NRXN3: variants seen among roughly 807,000 people sequenced by gnomAD.
NRXN3 encodes the protein neurexin III.
A neutral mutation model predicts 137.6 loss-of-function variants in NRXN3; 32 were observed. That is an observed-to-expected ratio of 0.23 (90% CI 0.18 to 0.31). The LOEUF is 0.31. Among genes scored for constraint, NRXN3 ranks in the 10% least tolerant of loss-of-function variants. The pLI is 1.00. For missense variants in NRXN3, 1,574 were observed against 2,062.5 expected (o/e 0.76, Z 4.59); for synonymous variants, 798 against 784.5 (o/e 1.02, Z -0.29).
At chr14:79,099,012 A>G (rs759278215) in intron 15 of NRXN3, among the ~76,000 whole-genome samples, 17 of 152,174 alleles carry the variant, frequency 1.1e-4, no homozygotes, top group Non-Finnish European at 1.5e-4. Context: ...CATGATGACT[A>G]TAGCCTAATC....
At position 79,467,155 on chromosome 14, in the gene NRXN3, AGT is replaced by A; in HGVS notation, c.3263-62_3263-61del. ...CAGCTGTTCTGTGTAGGGTCTCAAC[AGT>A]GTGCTACAGCTGGCTGTATGCAATG... On this transcript the variant is annotated intron_variant, in intron 15 of 20. Coordinates refer to ENST00000335750, the MANE Select transcript of NRXN3 (RefSeq NM_001330195.2). 16 of 1,479,920 alleles carry A rather than the reference AGT, an allele frequency of 1.1e-5. No homozygotes were observed. The South Asian group carries it at 2.0e-4, about 19-fold the overall frequency. The allele number at this position is 1,479,920 out of a possible 1,614,324, so 91.7% of individuals were successfully genotyped here.
intron 15 of NRXN3, among the ~76,000 whole-genome samples, chr14:79,004,745 A>C (rs2099548808): frequency 6.6e-6 from 1 of 152,182 alleles, no homozygotes; most frequent in African/African-American, 2.4e-5. Context: ...ATCTCTTGGA[A>C]GTCTCCTTTA....
chr14:79,684,532 A>G (rs60328415), intron 17 of NRXN3, among the ~76,000 whole-genome samples: 3,386 of 152,248 alleles, frequency 0.022, 51 homozygotes, highest in African/African-American at 0.042. Flanking sequence ...TATAGGATGT[A>G]TACAGAAGGA....
intron 8 of NRXN3, among the ~76,000 whole-genome samples, chr14:78,770,032 AG>A (rs2098721731): frequency 6.6e-6 from 1 of 152,136 alleles, no homozygotes; most frequent in African/African-American, 2.4e-5. Flanking sequence ...AGATATATCT[AG>A]GTATGTGTGT....
chr14:79,409,246 C>T (rs1220947116), intron 15 of NRXN3, among the ~76,000 whole-genome samples: 1 of 151,802 alleles, frequency 6.6e-6, no homozygotes, highest in Non-Finnish European at 1.5e-5. Context: ...TATTCTGCTA[C>T]ATACATATGC....
intron 10 of NRXN3, among the ~76,000 whole-genome samples, chr14:78,872,786 A>G (rs1326572695): frequency 1.3e-5 from 2 of 151,828 alleles, no homozygotes; most frequent in African/African-American, 2.4e-5. Context: ...CGTTTTCTGC[A>G]TTTAGGTGGA....
At chr14:78,265,680 C>G (rs2071571680) in intron 2 of NRXN3, among the ~76,000 whole-genome samples, 1 of 152,158 alleles carries the variant, frequency 6.6e-6, no homozygotes, top group Non-Finnish European at 1.5e-5. Context: ...AGTACCCCAG[C>G]AGAGGCACAG....
intron 4 of NRXN3, among the ~76,000 whole-genome samples, chr14:78,609,705 T>G (rs1026422976): frequency 6.6e-6 from 1 of 152,198 alleles, no homozygotes; most frequent in Non-Finnish European, 1.5e-5. Context: ...GTTAAATACT[T>G]TTTGGCACCT....
At chr14:78,918,285 C>CAAAAAAAAAAAAAAAAAA (rs71454807) in intron 10 of NRXN3, among the ~76,000 whole-genome samples, 2 of 34,656 alleles carry the variant, frequency 5.8e-5, no homozygotes, top group African/African-American at 2.5e-4. Context: ...AACTCCATCT[C>CAAAAAAAAAAAAAAAAAA]AAAAAAAAAA....
At chr14:78,282,207 T>C (rs2074503975) in intron 3 of NRXN3, 4 of 475,840 alleles carry the variant, frequency 8.4e-6, no homozygotes, top group Non-Finnish European at 1.7e-5. Flanking sequence ...CCTGGGCTGC[T>C]TGTAGGGCAG....
At chr14:78,294,555 C>CAAAAAAAAAAAAAAAAAAA (rs199592742) in intron 3 of NRXN3, among the ~76,000 whole-genome samples, 1 of 106,462 alleles carries the variant, frequency 9.4e-6, no homozygotes. Flanking sequence ...GATTCCGTCT[C>CAAAAAAAAAAAAAAAAAAA]AAAAAAAAAA....
At chr14:79,222,614 T>C (rs2069987186) in intron 15 of NRXN3, among the ~76,000 whole-genome samples, 1 of 152,166 alleles carries the variant, frequency 6.6e-6, no homozygotes, top group Non-Finnish European at 1.5e-5. Flanking sequence ...TGTCTTTCAG[T>C]GTGGCTGTAC....
chr14:78,881,450 C>G (rs1189804895), intron 10 of NRXN3, among the ~76,000 whole-genome samples: 1 of 151,596 alleles, frequency 6.6e-6, no homozygotes, highest in East Asian at 1.9e-4. Context: ...GAAGTCCAAA[C>G]TGAGGTGGTC....
intron 15 of NRXN3, among the ~76,000 whole-genome samples, chr14:79,362,809 A>T (rs747921671): frequency 9.2e-5 from 14 of 152,202 alleles, no homozygotes; most frequent in Non-Finnish European, 1.8e-4. Context: ...AGGCACGATA[A>T]GTTTACTCTG....
intron 15 of NRXN3, among the ~76,000 whole-genome samples, chr14:79,100,163 A>C (rs1288536870): frequency 6.6e-6 from 1 of 152,196 alleles, no homozygotes; most frequent in African/African-American, 2.4e-5. Context: ...TCTGTCTGTC[A>C]TAATAAAGGA....
At chr14:79,004,562 T>C (rs1366465244) in intron 15 of NRXN3, among the ~76,000 whole-genome samples, 1 of 152,212 alleles carries the variant, frequency 6.6e-6, no homozygotes, top group Admixed American at 6.5e-5. Flanking sequence ...TTGTAATTTC[T>C]GATGACAAAT....
At chr14:79,576,234 T>A (rs766892995) in intron 16 of NRXN3, among the ~76,000 whole-genome samples, 1 of 152,138 alleles carries the variant, frequency 6.6e-6, no homozygotes, top group East Asian at 1.9e-4. Context: ...TCTCTGCCAG[T>A]GGTGTGTAAA....
chr14:78,943,768 A>G (rs1301748961), intron 10 of NRXN3, among the ~76,000 whole-genome samples: 1 of 149,060 alleles, frequency 6.7e-6, no homozygotes, highest in Admixed American at 6.8e-5. Flanking sequence ...CTAATAACAG[A>G]AGCAAAACTG....
chr14:79,400,822 TG>T (rs1304694113), intron 15 of NRXN3, among the ~76,000 whole-genome samples: 72 of 152,210 alleles, frequency 4.7e-4, no homozygotes, highest in African/African-American at 1.7e-3. Flanking sequence ...TATTGTGAAT[TG>T]GGCATGAATT....
Sources: allele counts gnomAD v4.1 joint callset (sites outside exome capture counted in the v4.1 genomes callset), GRCh38; gene constraint gnomAD v4.1.1; transcripts MANE v1.5; gene names NCBI Gene and HGNC (gene_info 2026-07-23, HGNC 2026-07-21).